Variants in GALNT14 observed in about 807,000 individuals in gnomAD.
GALNT14 encodes the protein UDP-GalNAc:polypeptide N-acetylgalactosaminyltransferase 14.
GALNT14 carries 60 observed loss-of-function variants against 77.5 expected under a neutral mutation model. The ratio of observed to expected loss-of-function variants is 0.77; its 90% confidence interval spans 0.63 to 0.96. GALNT14 has a LOEUF of 0.96. Ranked by LOEUF, GALNT14 falls within the 40% of genes least tolerant of loss-of-function variation. The pLI is 0.00. For missense variants in GALNT14, 710 were observed against 731.0 expected, an observed-to-expected ratio of 0.97 and a Z score of 0.33; for synonymous variants, 280 against 281.7, an observed-to-expected ratio of 0.99 and a Z score of 0.06.
intron 1 of GALNT14, among the ~76,000 whole-genome samples, chr2:31,108,395 G>A (rs1459088715): frequency 6.6e-6 from 1 of 152,216 alleles, no homozygotes; most frequent in Non-Finnish European, 1.5e-5. Flanking sequence ...GAGTTAGGGA[G>A]GCTGGACACG....
intron 1 of GALNT14, among the ~76,000 whole-genome samples, chr2:31,055,618 A>G (rs533739035): frequency 7.2e-5 from 11 of 152,286 alleles, no homozygotes; most frequent in African/African-American, 1.7e-4. Flanking sequence ...GCCCCCTGTT[A>G]TAAGGAGAGG....
chr2:31,100,181 T>C (rs1016815399), intron 1 of GALNT14, among the ~76,000 whole-genome samples: 25 of 152,106 alleles, frequency 1.6e-4, no homozygotes, highest in African/African-American at 5.5e-4. Flanking sequence ...ACATCATTGA[T>C]AGGTGGTTGG....
chr2:30,987,868 C>T (rs2067646), intron 2 of GALNT14, among the ~76,000 whole-genome samples: 3 of 152,178 alleles, frequency 2.0e-5, no homozygotes, highest in Admixed American at 6.5e-5. Context: ...ACTGTCCAAA[C>T]GCATCCTATA....
At chr2:31,090,728 C>T (rs906536463) in intron 1 of GALNT14, among the ~76,000 whole-genome samples, 4 of 151,812 alleles carry the variant, frequency 2.6e-5, no homozygotes, top group Non-Finnish European at 4.4e-5. Flanking sequence ...GTGATCCACC[C>T]GCTTCGGCCT....
chr2:31,104,685 A>G (rs2161832), intron 1 of GALNT14, among the ~76,000 whole-genome samples: 86,446 of 151,464 alleles, frequency 0.57, 25,258 homozygotes, highest in African/African-American at 0.68. Flanking sequence ...AACAGTACAG[A>G]CCTTTCCTTC....
intron 1 of GALNT14, among the ~76,000 whole-genome samples, chr2:31,133,141 G>A (rs374847709): frequency 2.6e-5 from 4 of 151,910 alleles, no homozygotes; most frequent in South Asian, 2.1e-4. Context: ...CTGAATTTTC[G>A]GGGAGACTGA....
the GALNT14 span, among the ~76,000 whole-genome samples, chr2:30,893,414 AAAAC>A: frequency 1.3e-5 from 2 of 152,240 alleles, no homozygotes; most frequent in Non-Finnish European, 2.9e-5. Flanking sequence ...AATTCCAGGA[AAAAC>A]AAAAGATTGT....
intron 1 of GALNT14, among the ~76,000 whole-genome samples, chr2:31,082,193 C>T (rs910999639): frequency 6.6e-6 from 1 of 152,242 alleles, no homozygotes. Flanking sequence ...GGACTGCAGA[C>T]AGTCCTAGCA....
intron 1 of GALNT14, among the ~76,000 whole-genome samples, chr2:31,011,761 G>A (rs976992370): frequency 5.9e-5 from 9 of 152,256 alleles, no homozygotes; most frequent in Non-Finnish European, 1.2e-4. Context: ...GCCAGCCTCT[G>A]CCCACCCCAT....
At chr2:30,993,998 T>A (rs1328432279) in intron 1 of GALNT14, among the ~76,000 whole-genome samples, 1 of 152,176 alleles carries the variant, frequency 6.6e-6, no homozygotes, top group Non-Finnish European at 1.5e-5. Context: ...GACACTTAAA[T>A]TTGGTGGTCA....
At chr2:30,888,367 A>G in the GALNT14 span, among the ~76,000 whole-genome samples, 1 of 152,232 alleles carries the variant, frequency 6.6e-6, no homozygotes, top group South Asian at 2.1e-4. Flanking sequence ...ACTACAGAGA[A>G]TAGTGTGATG....
At chr2:31,101,221 C>T (rs1335836924) in intron 1 of GALNT14, among the ~76,000 whole-genome samples, 1 of 151,904 alleles carries the variant, frequency 6.6e-6, no homozygotes, top group Non-Finnish European at 1.5e-5. Context: ...TAATATAAAA[C>T]CATATATGCA....
At chr2:31,132,708 G>C in intron 1 of GALNT14, 1 of 470,824 alleles carries the variant, frequency 2.1e-6, no homozygotes. Context: ...ACTTTGGGAA[G>C]AACCCTGAAA....
intron 13 of GALNT14, 148 bp downstream of exon 13, chr2:30,923,971 G>T: frequency 1.2e-6 from 1 of 868,428 alleles, no homozygotes; most frequent in Non-Finnish European, 1.9e-6. Flanking sequence ...GGCAGAGTGG[G>T]GGGATCACAC....
chr2:30,956,885 A>G (rs917701594), intron 4 of GALNT14, among the ~76,000 whole-genome samples: 1 of 152,238 alleles, frequency 6.6e-6, no homozygotes, highest in Non-Finnish European at 1.5e-5. Flanking sequence ...GAAGGCCAAG[A>G]ATAAATGAGA....
At chr2:31,027,817 C>A (rs1024983742) in intron 1 of GALNT14, among the ~76,000 whole-genome samples, 5 of 151,578 alleles carry the variant, frequency 3.3e-5, no homozygotes, top group Non-Finnish European at 7.4e-5. Flanking sequence ...ATAGTTTTTG[C>A]CTCTGGAAAG....
intron 2 of GALNT14, among the ~76,000 whole-genome samples, chr2:30,985,434 C>T (rs963606533): frequency 1.3e-5 from 2 of 152,000 alleles, no homozygotes; most frequent in Non-Finnish European, 2.9e-5. Context: ...CCCAGAGGCC[C>T]TTGCTAACTC....
At chr2:31,046,213 C>CT (rs1673446958) in intron 1 of GALNT14, among the ~76,000 whole-genome samples, 1 of 149,366 alleles carries the variant, frequency 6.7e-6, no homozygotes. Context: ...TTGGCTGACT[C>CT]TGGAACCCAT....
chr2:30,992,700 T>C (rs779123517), intron 2 of GALNT14, 138 bp downstream of exon 2: 220 of 999,278 alleles, frequency 2.2e-4, no homozygotes, highest in Non-Finnish European at 3.1e-4. Flanking sequence ...CAAATCCGAA[T>C]CCCTTTAGTG....
Sources: allele counts gnomAD v4.1 joint callset (sites outside exome capture counted in the v4.1 genomes callset), GRCh38; gene constraint gnomAD v4.1.1; transcripts MANE v1.5; gene names NCBI Gene and HGNC (gene_info 2026-07-23, HGNC 2026-07-21).